The following VPREB3 variants were observed in gnomAD, a reference collection of about 807,000 sequenced individuals.
VPREB3 encodes V-set pre-B cell surrogate light chain 3.
In VPREB3, 14 loss-of-function variants were observed where a neutral mutation model predicts 12.9. The ratio of observed to expected loss-of-function variants is 1.09; its 90% CI spans 0.72 to 1.70. VPREB3 has a LOEUF of 1.70. Among genes scored for constraint, VPREB3 ranks in the 40% most tolerant of loss-of-function variants. The pLI is 0.00. For synonymous variants in VPREB3, 78 were observed against 70.1 expected, an observed-to-expected ratio of 1.11 and a Z score of -0.56; for missense variants, 165 against 159.6, an observed-to-expected ratio of 1.03 and a Z score of -0.18.
chr22:23,753,235 C>G, intron 1 of VPREB3, 37 bp from the exon 2 acceptor site: 1 of 1,524,154 alleles, frequency 6.6e-7, no homozygotes, highest in Non-Finnish European at 8.8e-7. Context: ...GAGCCCCTTC[C>G]CTCCCACCCC....
Position 23,753,013 on chromosome 22 carries a change from G to T in VPREB3, c.235C>A (p.Arg79=). The T allele has an allele frequency of 6.2e-7, 1 of 1,614,172 alleles. No individual in the cohort carries two copies. The change falls in exon 2 of 2, where the codon CGG becomes AGG. Residue 79 remains arginine, a synonymous_variant. Coordinates refer to ENST00000248948, the MANE Select transcript of VPREB3 (RefSeq NM_013378.3). ...LYYRSEEDHH[R]PADIPDRFSA... is the part of the protein sequence containing the mutation. ...AATCGATCGGGGATGTCAGCAGGCC[G>T]GTGGTGATCCTCCTCCGAGCGGTAG...
chr22:23,753,223 C>T, intron 1 of VPREB3, 25 bp from the exon 2 acceptor site: 1 of 1,546,314 alleles, frequency 6.5e-7, no homozygotes, highest in Non-Finnish European at 8.7e-7. Context: ...CCCACTCAGC[C>T]TGAGCCCCTT....
At chr22:23,754,286 C>T in intron 1 of VPREB3, 29 bp downstream of exon 1, 1 of 1,583,324 alleles carries the variant, frequency 6.3e-7, no homozygotes, top group Non-Finnish European at 8.6e-7. Context: ...ACCCCACACC[C>T]AGGTGACTGA....
chr22:23,753,097 C>G lies in VPREB3; in HGVS notation c.151G>C (p.Asp51His). Residue 51 changes from aspartate to histidine, a missense_variant, in exon 2 of 2, where the codon GAC (aspartate) becomes CAC (histidine). Physicochemically the swap from Asp to His is moderately conservative, Grantham distance 81. Coordinates refer to ENST00000248948, the MANE Select transcript of VPREB3 (RefSeq NM_013378.3). ...TGCTGGTACCAGGACACACCGTAGT[C>G]CCTGATGGTGACGTGCTGGGGGCTG... is the stretch of plus-strand genomic sequence containing the variant. Reference protein sequence around the residue: ...TLSPQHVTIRDYGVSWYQQRA... With the variant: ...TLSPQHVTIRHYGVSWYQQRA... 1 of 1,614,112 alleles carries G rather than the reference C, an allele frequency of 6.2e-7. No homozygotes were observed. Among genetic ancestry groups the G allele is most frequent in the Non-Finnish European group, 8.5e-7 (1 of 1,180,000 alleles).
intron 1 of VPREB3, 83 bp from the exon 2 acceptor site, chr22:23,753,281 T>G: frequency 1.5e-6 from 2 of 1,376,242 alleles, no homozygotes; most frequent in South Asian, 2.8e-5. Flanking sequence ...CCATGGAGAC[T>G]CCCAGTCCCA....
chr22:23,754,302 A>ACTG lies in VPREB3; in HGVS notation c.49+12_49+13insCAG. 1 of 1,596,050 alleles carries ACTG rather than the reference A, an allele frequency of 6.3e-7. No individual in the cohort carries two copies. The highest frequency in any genetic ancestry group is 1.1e-5 in the South Asian group (1 of 87,736). ...CCCCACACCCAGGTGACTGAGGCCCAGGAAAGATTCACCTGACAGGAAGGT... is the reference window on the plus strand; with the variant it reads ...CCCCACACCCAGGTGACTGAGGCCCACTGGGAAAGATTCACCTGACAGGAAGGT... On this transcript the variant is annotated intron_variant, in intron 1 of 1. Transcript: ENST00000248948.
rs1489404735 is a variant in VPREB3, at chr22:23,753,113, C to G, written c.135G>C (p.Gln45His). 1 of 1,613,836 alleles carries G rather than the reference C, an allele frequency of 6.2e-7. No homozygotes were observed. The highest frequency in any genetic ancestry group is 8.5e-7 in the Non-Finnish European group (1 of 1,179,948). Reference sequence around the variant, plus strand: ...CACCGTAGTCCCTGATGGTGACGTGCTGGGGGCTGAGCGTGCAGGAGAGTT... The same window carrying G: ...CACCGTAGTCCCTGATGGTGACGTGGTGGGGGCTGAGCGTGCAGGAGAGTT... ...VAQLSCTLSPQHVTIRDYGVS... is the reference protein window; with the variant it reads ...VAQLSCTLSPHHVTIRDYGVS... Residue 45 changes from glutamine (Q) to histidine (H), a missense_variant, in exon 2 of 2, where the codon CAG (glutamine) becomes CAC (histidine). Coordinates refer to ENST00000248948, the MANE Select transcript of VPREB3 (RefSeq NM_013378.3).
Position 23,752,748 on chromosome 22 carries a change from T to C in VPREB3, c.*128A>G, listed in dbSNP as rs1925396673. On this transcript the variant is annotated 3_prime_UTR_variant, in exon 2 of 2. Transcript: ENST00000248948. ...CTTATGACCCTCACAATAGCTGTTG[T>C]TGACATGTTGAATATTATTAACCCA... 6 of 899,910 alleles carry C rather than the reference T, an allele frequency of 6.7e-6. No individual in the cohort carries two copies. Among genetic ancestry groups the C allele is most frequent in the Non-Finnish European group, 8.4e-6 (5 of 592,536 alleles). 55.7% of individuals were successfully genotyped at this position (899,910 alleles called of 1,614,324 possible).
chr22:23,753,894 C>T (rs111766329), intron 1 of VPREB3, among the ~76,000 whole-genome samples: 4 of 152,158 alleles, frequency 2.6e-5, no homozygotes, highest in South Asian at 2.1e-4. Context: ...TACCTGAATA[C>T]GCCTCCCAGC....
Position 23,752,822 on chromosome 22 carries a change from G to T in VPREB3, c.*54C>A. 1 of 1,551,766 alleles carries T rather than the reference G, an allele frequency of 6.4e-7. No individual in the cohort carries two copies. The highest frequency in any genetic ancestry group is 1.2e-5 in the South Asian group (1 of 83,178). ...CAGAGAAAGTTTAAAAGGGACCCAAGGTCAGGGGCAGAAATGGGAGGCAGA... is the reference window on the plus strand; with the variant it reads ...CAGAGAAAGTTTAAAAGGGACCCAATGTCAGGGGCAGAAATGGGAGGCAGA... On this transcript the variant is annotated 3_prime_UTR_variant, in exon 2 of 2. Coordinates refer to ENST00000248948, the MANE Select transcript of VPREB3 (RefSeq NM_013378.3).
Position 23,753,126 on chromosome 22 carries a change from G to T in VPREB3, c.122C>A (p.Thr41Lys), listed in dbSNP as rs199549117. Residue 41 changes from threonine (T) to lysine (K), a missense_variant, in exon 2 of 2, where the codon ACG becomes AAG. By Grantham distance (78) the Thr-to-Lys change is moderately conservative. Coordinates refer to ENST00000248948, the MANE Select transcript of VPREB3 (RefSeq NM_013378.3). The part of the protein sequence containing the change: ...FPGQVAQLSC[T>K]LSPQHVTIRD... ...GATGGTGACGTGCTGGGGGCTGAGCGTGCAGGAGAGTTGAGCCACTTGGCC... is the reference window on the plus strand; with the variant it reads ...GATGGTGACGTGCTGGGGGCTGAGCTTGCAGGAGAGTTGAGCCACTTGGCC... 1,307 of 1,613,324 alleles carry T rather than the reference G, an allele frequency of 8.1e-4. 7 individuals carry two copies. Among genetic ancestry groups the T allele is most frequent in the Non-Finnish European group, 8.2e-5 (97 of 1,179,692 alleles).
In VPREB3 at chr22:23,752,885, A is replaced by G. The variant is rs1925400912; in HGVS notation, c.363T>C (p.Phe121=). Residue 121 remains phenylalanine (F), a synonymous_variant, in exon 2 of 2, where the codon TTT becomes TTC. Transcript: ENST00000248948. ...ATCTCACACCCCACCCCTAGGGACT[A>G]AAGCCGTAGCCAACAGAGCAGTAGT... is the stretch of plus-strand genomic sequence containing the variant. ...ADYYCSVGYG[F]SP The G allele has an allele frequency of 2.5e-6, 4 of 1,611,038 alleles. No individual in the cohort carries two copies. Among genetic ancestry groups the G allele is most frequent in the Non-Finnish European group, 2.5e-6 (3 of 1,177,572 alleles).
At chr22:23,754,231 G>T (rs1320630841) in intron 1 of VPREB3, 84 bp downstream of exon 1, 4 of 1,439,204 alleles carry the variant, frequency 2.8e-6, no homozygotes, top group African/African-American at 2.9e-5. Context: ...TGTCCCCATC[G>T]ATTTGCCTCC....
chr22:23,753,284 C>T (rs576276077), intron 1 of VPREB3, 86 bp from the exon 2 acceptor site: 1 of 1,378,362 alleles, frequency 7.3e-7, no homozygotes, highest in African/African-American at 1.4e-5. Context: ...TGGAGACTCC[C>T]AGTCCCAAAG....
In VPREB3 at chr22:23,754,212, C is replaced by T. The variant is rs541201143; in HGVS notation, c.49+103G>A. On this transcript the variant is annotated intron_variant, in intron 1 of 1. Coordinates refer to ENST00000248948, the MANE Select transcript of VPREB3 (RefSeq NM_013378.3). ...AAAAAAAAAATACCCCTCCCAGGAC[C>T]TGCCCTACTGTCCCCATCGATTTGC... 43 of 1,255,026 alleles carry T rather than the reference C, an allele frequency of 3.4e-5. No individual in the cohort carries two copies. In the African/African-American group the frequency reaches 6.2e-4, roughly 18 times the overall value. 77.7% of individuals were successfully genotyped at this position (1,255,026 alleles called of 1,614,324 possible).
intron 1 of VPREB3, among the ~76,000 whole-genome samples, chr22:23,753,627 G>A (rs1340012127): frequency 9.9e-5 from 15 of 152,066 alleles, no homozygotes; most frequent in African/African-American, 3.6e-4. Context: ...GGAACCTCCT[G>A]GGCTGTCCCA....
chr22:23,753,044 G>A lies in VPREB3; in HGVS notation c.204C>T (p.Leu68=), dbSNP rs372608726. The A allele has an allele frequency of 1.2e-6, 2 of 1,614,156 alleles. No individual in the cohort carries two copies. Among genetic ancestry groups the A allele is most frequent in the Non-Finnish European group, 1.7e-6 (2 of 1,180,034 alleles). Residue 68 remains leucine (L), a synonymous_variant, in exon 2 of 2, where the codon CTC becomes CTT. Transcript: ENST00000248948. Reference sequence around the variant, plus strand: ...GATCCTCCTCCGAGCGGTAGTAGAGGAGATATCGAGGGGCACTGCCTGCCC... The same window carrying A: ...GATCCTCCTCCGAGCGGTAGTAGAGAAGATATCGAGGGGCACTGCCTGCCC... ...QQRAGSAPRY[L]LYYRSEEDHH...
intron 1 of VPREB3, among the ~76,000 whole-genome samples, 190 bp from the exon 2 acceptor site, chr22:23,753,388 C>G (rs1925422995): frequency 6.6e-6 from 1 of 152,142 alleles, no homozygotes; most frequent in Admixed American, 6.6e-5. Flanking sequence ...ACCTCCATCT[C>G]CCTTTGTGAG....
chr22:23,753,848 T>C (rs1376902219), intron 1 of VPREB3, among the ~76,000 whole-genome samples: 2 of 152,114 alleles, frequency 1.3e-5, no homozygotes, highest in Admixed American at 6.5e-5. Context: ...TTGCCCCAGG[T>C]CAAGGGCAGA....
Sources: gnomAD v4.1 joint callset for allele counts (sites outside exome capture counted in the v4.1 genomes callset) on GRCh38, gnomAD v4.1.1 for gene constraint, MANE v1.5 for transcripts, NCBI Gene and HGNC (gene_info 2026-07-23, HGNC 2026-07-21) for gene names.